Variants in PCBP2 observed in about 807,000 individuals in gnomAD.
The protein encoded by PCBP2 is poly(rC)-binding protein 2.
A neutral mutation model predicts 50.1 loss-of-function variants in PCBP2; 4 were observed. That is an observed-to-expected ratio of 0.08 (90% CI 0.04 to 0.18). PCBP2 has a LOEUF of 0.18. Ranked by LOEUF, PCBP2 falls within the 10% of genes least tolerant of loss-of-function variation. PCBP2 has a pLI of 1.00. For synonymous variants in PCBP2, 179 were observed against 168.0 expected (o/e 1.07, Z -0.51); for missense variants, 161 against 474.3 (o/e 0.34, Z 6.14).
chr12:53,469,979 T>G (rs1447374862), intron 13 of PCBP2, among the ~76,000 whole-genome samples: 2 of 151,824 alleles, frequency 1.3e-5, no homozygotes, highest in East Asian at 3.9e-4. Flanking sequence ...CTCCTGACCT[T>G]ACGTGATCCC....
At chr12:53,466,875 C>G (rs1176154929) in intron 10 of PCBP2, among the ~76,000 whole-genome samples, 2 of 152,026 alleles carry the variant, frequency 1.3e-5, no homozygotes, top group Non-Finnish European at 2.9e-5. Flanking sequence ...GTTTGTTTAC[C>G]TAGCCTGTCT....
chr12:53,459,639 T>C (rs935744145), intron 6 of PCBP2, among the ~76,000 whole-genome samples: 2 of 152,192 alleles, frequency 1.3e-5, no homozygotes, highest in Non-Finnish European at 2.9e-5. Flanking sequence ...AACTATTACA[T>C]ATGACAAGTT....
chr12:53,461,224 G>C lies in PCBP2; in HGVS notation c.504+81G>C, dbSNP rs922598415. 2.0e-6 allele frequency: 3 copies of C among 1,489,080 alleles called. No homozygotes were observed. The African/African-American group carries it at 4.2e-5, about 21-fold the overall frequency. The allele number at this position is 1,489,080 out of a possible 1,614,324, so 92.2% of individuals were successfully genotyped here. Reference sequence around the variant, plus strand: ...GACTGATCTATATTTAGTAAGACTAGAATTAAGTGAGGCTGTTAAGGCTTC... The same window carrying C: ...GACTGATCTATATTTAGTAAGACTACAATTAAGTGAGGCTGTTAAGGCTTC... On this transcript the variant is annotated intron_variant, in intron 7 of 14. Coordinates refer to ENST00000546463, the MANE Select transcript of PCBP2 (RefSeq NM_031989.5).
rs756370680 is a variant in PCBP2 at position 53,468,847 on chromosome 12, G to C, written c.882+15G>C. On this transcript the variant is annotated intron_variant, in intron 13 of 14. Transcript: ENST00000546463. ...TTCCAAACGATGTAAGTGTAGTTAG[G>C]TTGCATGGGATGAAAATAAGAAAAT... 6 of 1,595,488 alleles carry C rather than the reference G, an allele frequency of 3.8e-6. No homozygotes were observed. Among genetic ancestry groups the C allele is most frequent in the South Asian group, 1.1e-5 (1 of 90,682 alleles).
At chr12:53,465,438 A>C (rs1387581724) in intron 9 of PCBP2, among the ~76,000 whole-genome samples, 1 of 152,098 alleles carries the variant, frequency 6.6e-6, no homozygotes, top group Non-Finnish European at 1.5e-5. Context: ...CAGTGTTCTT[A>C]AGGTCTTTAG....
At position 53,455,688 on chromosome 12, in the gene PCBP2, C is replaced by T. The variant is rs1940954939; in HGVS notation, c.126+195C>T. ...TTTGGGAAGTGTGGTTTTGACAAGT[C>T]AGAATTCTTTCAAGACTTAAGGCAG... On this transcript the variant is annotated intron_variant, in intron 4 of 14. Coordinates refer to ENST00000546463, the MANE Select transcript of PCBP2 (RefSeq NM_031989.5). Among the ~76,000 whole-genome samples, 4 of 151,420 alleles carry T rather than the reference C, an allele frequency of 2.6e-5. 1 individual carries two copies. The South Asian group carries it at 8.3e-4, about 31-fold the overall frequency.
chr12:53,465,913 T>C lies in PCBP2; in HGVS notation c.673-19T>C. 2 of 1,606,454 alleles carry C rather than the reference T, an allele frequency of 1.2e-6. No individual in the cohort carries two copies. The highest frequency in any genetic ancestry group is 1.7e-6 in the Non-Finnish European group (2 of 1,173,772). On this transcript the variant is annotated intron_variant, in intron 9 of 14. Transcript: ENST00000546463. ...TCCGTGATTGGTTTTTAATAGGAACTGTTTTCCTCCTTTTGTAGGCCTATA... is the reference window on the plus strand; with the variant it reads ...TCCGTGATTGGTTTTTAATAGGAACCGTTTTCCTCCTTTTGTAGGCCTATA...
intron 14 of PCBP2, among the ~76,000 whole-genome samples, 182 bp downstream of exon 14, chr12:53,471,989 T>G (rs1942270768): frequency 8.1e-6 from 1 of 123,616 alleles, no homozygotes; most frequent in African/African-American, 2.7e-5. Flanking sequence ...CTGCAGTAAG[T>G]TTTCAAGGGG....
In PCBP2 at chr12:53,462,473, C is replaced by T. The variant is rs1445403425; in HGVS notation, c.505-20C>T. 1.1e-5 allele frequency: 17 copies of T among 1,588,114 alleles called. No homozygotes were observed. In the Admixed American group the frequency reaches 1.4e-4, roughly 13 times the overall value. ...AAACCTTATCTCTTTTTGTTTTTTT[C>T]CCCTCTGACTCTCTCCCAGTCCCCC... On this transcript the variant is annotated intron_variant, in intron 7 of 14. Coordinates refer to ENST00000546463, the MANE Select transcript of PCBP2 (RefSeq NM_031989.5).
chr12:53,477,592 GGAGGCGGAGCTTGCAGTGAGCC>G (rs996985166), intron 14 of PCBP2, among the ~76,000 whole-genome samples: 1 of 148,618 alleles, frequency 6.7e-6, no homozygotes, highest in Non-Finnish European at 1.5e-5. Context: ...CGTGAACCTG[GGAGGCGGAGCTTGCAGTGAGCC>G]GAGACCGCGC....
intron 10 of PCBP2, 138 bp downstream of exon 10, chr12:53,466,111 A>T: frequency 1.3e-6 from 1 of 752,572 alleles, no homozygotes; most frequent in South Asian, 1.5e-5. Context: ...CACAAGGTCA[A>T]TCCCATATTT....
intron 5 of PCBP2, among the ~76,000 whole-genome samples, chr12:53,457,820 T>C (rs932502366): frequency 6.6e-6 from 1 of 152,216 alleles, no homozygotes; most frequent in African/African-American, 2.4e-5. Context: ...AACCGCTTAA[T>C]CTTCAGAAGG....
intron 5 of PCBP2, among the ~76,000 whole-genome samples, chr12:53,457,607 A>G (rs1282674468): frequency 1.3e-5 from 2 of 152,032 alleles, no homozygotes; most frequent in South Asian, 4.2e-4. Context: ...CAGCCTCCCA[A>G]AGTGCTGGGA....
In PCBP2 at chr12:53,452,121, C is replaced by A. The variant is rs894596738; in HGVS notation, c.-331C>A. The A allele has an allele frequency of 2.0e-5, 3 of 150,408 alleles. No homozygotes were observed. The highest frequency in any genetic ancestry group is 7.4e-5 in the African/African-American group (3 of 40,572). The allele number at this position is 150,408 out of a possible 1,614,324, so 9.3% of individuals were successfully genotyped here. On this transcript the variant is annotated 5_prime_UTR_variant, in exon 1 of 15. Transcript: ENST00000546463. Reference sequence around the variant, plus strand: ...CCCCCTCCCAGACCAGCAGAGGCAGCAGCCGGAGCAGCCGCAGCCTGCGCC... The same window carrying A: ...CCCCCTCCCAGACCAGCAGAGGCAGAAGCCGGAGCAGCCGCAGCCTGCGCC...
chr12:53,474,801 C>T (rs1042139257), intron 14 of PCBP2: 3 of 358,478 alleles, frequency 8.4e-6, no homozygotes, highest in Non-Finnish European at 1.7e-5. Context: ...TTGTCCTGTA[C>T]TTACTCCCTT....
intron 2 of PCBP2, 22 bp from the exon 3 acceptor site, chr12:53,455,325 A>G: frequency 6.2e-7 from 1 of 1,608,784 alleles, no homozygotes; most frequent in Non-Finnish European, 8.5e-7. Context: ...CCTCTTACTG[A>G]CGTTAGTTTT....
chr12:53,472,119 GTC>G (rs940344445), intron 14 of PCBP2, among the ~76,000 whole-genome samples: 1 of 151,990 alleles, frequency 6.6e-6, no homozygotes, highest in African/African-American at 2.4e-5. Flanking sequence ...TCAAATGTGG[GTC>G]TCTCTTGTTC....
intron 7 of PCBP2, 139 bp downstream of exon 7, chr12:53,461,282 T>C (rs1205437042): frequency 2.2e-6 from 2 of 901,018 alleles, no homozygotes; most frequent in Non-Finnish European, 3.3e-6. Context: ...TTCCCTGAGT[T>C]CATATTTTCC....
At position 53,471,823 on chromosome 12, in the gene PCBP2, C is replaced by T. The variant is rs1425748220; in HGVS notation, c.1052+16C>T. ...TCAATGTCAGGTAAGATTGCTCTAC[C>T]TTTTGTCTTATTTATGCCAACACAG... On this transcript the variant is annotated intron_variant, in intron 14 of 14. Transcript: ENST00000546463. 12 of 1,605,926 alleles carry T rather than the reference C, an allele frequency of 7.5e-6. No individual in the cohort carries two copies. In the East Asian group the frequency reaches 2.5e-4, roughly 33 times the overall value.
Sources: gnomAD v4.1 joint callset for allele counts (sites outside exome capture counted in the v4.1 genomes callset) on GRCh38, gnomAD v4.1.1 for gene constraint, MANE v1.5 for transcripts, NCBI Gene and HGNC (gene_info 2026-07-23, HGNC 2026-07-21) for gene names.